SNRPN: variants seen among roughly 807,000 people sequenced by gnomAD.
SNRPN encodes small nuclear ribonucleoprotein polypeptide N.
In SNRPN, 7 loss-of-function variants were observed where a neutral mutation model predicts 25.2. That is an observed-to-expected ratio of 0.28 (90% CI 0.16 to 0.52). The LOEUF (loss-of-function observed/expected upper bound fraction) is 0.52, where lower values mean the gene tolerates loss of function less well. SNRPN is among the 20% of genes least tolerant of loss of function. The pLI is 0.96. For synonymous variants in SNRPN, 124 were observed against 110.6 expected, an observed-to-expected ratio of 1.12 and a Z score of -0.76; for missense variants, 196 against 322.5, an observed-to-expected ratio of 0.61 and a Z score of 3.00.
upstream of SNRPN, among the ~76,000 whole-genome samples, chr15:24,855,791 C>CAAAAAA (rs56081812): frequency 2.8e-5 from 2 of 71,992 alleles, no homozygotes; most frequent in Non-Finnish European, 5.1e-5. Flanking sequence ...GAATCTGTCT[C>CAAAAAA]AAAAAAAAAA....
At chr15:24,930,590 C>A (rs8040277) in intron 3 of SNRPN, among the ~76,000 whole-genome samples, 1,046 of 98,014 alleles carry the variant, frequency 0.011, no homozygotes, top group Middle Eastern at 0.028. Flanking sequence ...TACAAAAATA[C>A]AAAAAAAAAA....
intron 2 of SNRPN, among the ~76,000 whole-genome samples, chr15:24,888,958 C>T (rs2057416912): frequency 6.6e-6 from 1 of 152,002 alleles, no homozygotes; most frequent in Non-Finnish European, 1.5e-5. Flanking sequence ...CGCTCTGTCA[C>T]CCAGGCTGGA....
chr15:24,829,597 A>T (rs2050358625), intron 1 of SNRPN, among the ~76,000 whole-genome samples: 1 of 151,956 alleles, frequency 6.6e-6, no homozygotes, highest in Non-Finnish European at 1.5e-5. Flanking sequence ...TTCTGTGGGG[A>T]GGGATTTGAA....
At chr15:24,927,510 T>TAC (rs2060493252) in intron 3 of SNRPN, among the ~76,000 whole-genome samples, 4 of 111,422 alleles carry the variant, frequency 3.6e-5, no homozygotes, top group Non-Finnish European at 5.8e-5. Context: ...TTTTTTTTTT[T>TAC]TTTTTTTTAC....
At chr15:24,853,682 C>A (rs765562234), upstream of SNRPN, among the ~76,000 whole-genome samples, 6 of 152,078 alleles carry the variant, frequency 3.9e-5, no homozygotes, top group Non-Finnish European at 5.9e-5. Flanking sequence ...CGTGAGCCAC[C>A]GTGCCCAGCC....
chr15:24,942,974 C>T (rs887380351), intron 3 of SNRPN, among the ~76,000 whole-genome samples: 2 of 151,534 alleles, frequency 1.3e-5, no homozygotes, highest in Non-Finnish European at 2.9e-5. Context: ...TCCACTTTGT[C>T]ATAAAAATCC....
At chr15:24,897,440 G>T (rs2058142326) in intron 2 of SNRPN, among the ~76,000 whole-genome samples, 1 of 152,140 alleles carries the variant, frequency 6.6e-6, no homozygotes. Flanking sequence ...TAAAAAATTA[G>T]CCGAGTGTGG....
chr15:24,930,131 G>T (rs11638149), intron 3 of SNRPN, among the ~76,000 whole-genome samples: 2 of 148,000 alleles, frequency 1.4e-5, no homozygotes, highest in Non-Finnish European at 3.0e-5. Context: ...GTGACAGAGC[G>T]AGACTCCATC....
intron 3 of SNRPN, among the ~76,000 whole-genome samples, chr15:24,922,659 A>AT (rs536456245): frequency 4.4e-4 from 67 of 151,980 alleles, no homozygotes; most frequent in Non-Finnish European, 8.4e-4. Context: ...AACTGTATGT[A>AT]TTTTTTTGTC....
intron 3 of SNRPN, among the ~76,000 whole-genome samples, chr15:24,939,857 T>G (rs921193422): frequency 5.3e-5 from 8 of 151,898 alleles, no homozygotes; most frequent in African/African-American, 1.9e-4. Flanking sequence ...TGGTGTGATC[T>G]TGGCTCACTG....
At chr15:24,840,084 G>A (rs1013248399) in intron 2 of SNRPN, among the ~76,000 whole-genome samples, 1 of 152,192 alleles carries the variant, frequency 6.6e-6, no homozygotes, top group Admixed American at 6.5e-5. Flanking sequence ...TAGGCCGGGC[G>A]TGGTGGCTCA....
At chr15:24,918,649 TGC>T (rs1491153494) in intron 2 of SNRPN, among the ~76,000 whole-genome samples, 2 of 97,466 alleles carry the variant, frequency 2.1e-5, no homozygotes, top group African/African-American at 8.4e-5. Context: ...TATATATGTG[TGC>T]ATATATATAA....
Position 24,974,394 on chromosome 15 carries a change from C to T in SNRPN, c.-60C>T. The T allele has an allele frequency of 1.3e-6, 2 of 1,554,128 alleles. No individual in the cohort carries two copies. The highest frequency in any genetic ancestry group is 1.8e-6 in the Non-Finnish European group (2 of 1,125,452). On this transcript the variant is annotated 5_prime_UTR_variant, in exon 4 of 10. Transcript: ENST00000390687. ...TCATACCTTTATCTATAGCCTTCCC[C>T]TAGGTCTTCAGAAGCATCAAGTTTT...
intron 2 of SNRPN, among the ~76,000 whole-genome samples, chr15:24,888,445 C>G (rs975765736): frequency 6.6e-6 from 1 of 152,110 alleles, no homozygotes; most frequent in Admixed American, 6.6e-5. Flanking sequence ...CATATGTATT[C>G]CTACACAACA....
chr15:24,891,326 A>G (rs2057651641), intron 2 of SNRPN, among the ~76,000 whole-genome samples: 1 of 152,104 alleles, frequency 6.6e-6, no homozygotes, highest in South Asian at 2.1e-4. Flanking sequence ...CTGTATTTCT[A>G]AGTTTTAGGA....
At chr15:24,909,008 G>A in intron 2 of SNRPN, 1 of 1,417,004 alleles carries the variant, frequency 7.1e-7, no homozygotes, top group South Asian at 1.2e-5. Flanking sequence ...CTGAGCAAGG[G>A]ACATTTTGGG....
intron 1 of SNRPN, among the ~76,000 whole-genome samples, chr15:24,881,368 C>CAAA (rs71127009): frequency 0.082 from 11,982 of 146,294 alleles, 755 homozygotes; most frequent in East Asian, 0.24. Flanking sequence ...ACTAAAAATA[C>CAAA]AAAAAAAAAA....
chr15:24,960,166 G>C (rs2074538938), intron 1 of SNRPN, among the ~76,000 whole-genome samples: 1 of 152,162 alleles, frequency 6.6e-6, no homozygotes, highest in African/African-American at 2.4e-5. Context: ...TTTGGAGGCT[G>C]AGTTTGGGTC....
intron 3 of SNRPN, chr15:24,942,261 C>G (rs1483988048): frequency 1.3e-5 from 2 of 152,166 alleles, no homozygotes; most frequent in African/African-American, 4.8e-5. Context: ...CCATTTCTAT[C>G]TTTTGGTTTC....
Sources: allele counts gnomAD v4.1 joint callset (sites outside exome capture counted in the v4.1 genomes callset), GRCh38; gene constraint gnomAD v4.1.1; transcripts MANE v1.5; gene names NCBI Gene and HGNC (gene_info 2026-07-23, HGNC 2026-07-21).